CLEC16A: variants seen among roughly 807,000 people sequenced by gnomAD.
CLEC16A encodes C-type lectin domain containing 16A, also known as protein CLEC16A.
Under a neutral mutation model 109.5 loss-of-function variants are expected in CLEC16A, and 51 were observed. The observed-to-expected ratio is 0.47, with a 90% CI of 0.37 to 0.59. The LOEUF (loss-of-function observed/expected upper bound fraction) is 0.59. CLEC16A is among the 20% of genes least tolerant of loss of function. The pLI, the probability that CLEC16A is intolerant of heterozygous loss-of-function variation, is 0.00. For synonymous variants in CLEC16A, 673 were observed against 564.2 expected (o/e 1.19, Z -2.73); for missense variants, 1,339 against 1,394.0 (o/e 0.96, Z 0.63).
At chr16:11,103,062 G>A (rs1352723307) in intron 19 of CLEC16A, among the ~76,000 whole-genome samples, 1 of 152,244 alleles carries the variant, frequency 6.6e-6, no homozygotes, top group Non-Finnish European at 1.5e-5. Context: ...GGGAGGGCCT[G>A]AGAGATGGGC....
chr16:11,066,091 C>T (rs376015186), intron 19 of CLEC16A, among the ~76,000 whole-genome samples: 1 of 152,134 alleles, frequency 6.6e-6, no homozygotes, highest in Non-Finnish European at 1.5e-5. Context: ...CCCAGCTTTG[C>T]TGCCTTCTGC....
chr16:11,164,656 C>T (rs930501471), intron 22 of CLEC16A, among the ~76,000 whole-genome samples: 1 of 152,268 alleles, frequency 6.6e-6, no homozygotes, highest in African/African-American at 2.4e-5. Flanking sequence ...TTAGGCTTTG[C>T]AGGCCATGTG....
chr16:10,944,842 G>T, intron 1 of CLEC16A, 45 bp downstream of exon 1: 1 of 1,514,886 alleles, frequency 6.6e-7, no homozygotes, highest in East Asian at 2.4e-5. Context: ...CTGGACAGGG[G>T]GACGGGGCGC....
chr16:10,964,824 G>A (rs1029823352), intron 3 of CLEC16A, among the ~76,000 whole-genome samples: 32 of 152,088 alleles, frequency 2.1e-4, no homozygotes, highest in African/African-American at 6.8e-4. Flanking sequence ...AAATAATCAC[G>A]GCAATCAAGT....
intron 10 of CLEC16A, among the ~76,000 whole-genome samples, chr16:10,996,701 T>C (rs931992745): frequency 3.3e-5 from 5 of 152,038 alleles, no homozygotes; most frequent in Admixed American, 2.6e-4. Flanking sequence ...CATGTGGCAA[T>C]AAATGCAGGA....
intron 19 of CLEC16A, among the ~76,000 whole-genome samples, chr16:11,083,579 C>T (rs1429599655): frequency 2.6e-5 from 4 of 152,220 alleles, no homozygotes; most frequent in Admixed American, 6.5e-5. Flanking sequence ...CGGTCTCCTC[C>T]GAAGCTTCAC....
chr16:11,138,292 C>G (rs2053663814), intron 22 of CLEC16A, among the ~76,000 whole-genome samples: 1 of 152,194 alleles, frequency 6.6e-6, no homozygotes, highest in South Asian at 2.1e-4. Flanking sequence ...TGTGGTGCTT[C>G]TGGCTTGGCA....
intron 5 of CLEC16A, among the ~76,000 whole-genome samples, chr16:10,972,037 G>A (rs1447597272): frequency 1.3e-5 from 2 of 152,204 alleles, no homozygotes; most frequent in East Asian, 3.8e-4. Flanking sequence ...CTTTCTAAGA[G>A]CCCAACTGGA....
At chr16:11,111,532 G>A (rs898417944) in intron 19 of CLEC16A, among the ~76,000 whole-genome samples, 1 of 152,216 alleles carries the variant, frequency 6.6e-6, no homozygotes, top group African/African-American at 2.4e-5. Context: ...CCCACCACTT[G>A]ATGGGAGGAG....
rs369826428 is a variant in CLEC16A, at chr16:10,957,618, A to G, written c.81-164A>G. Reference sequence around the variant, plus strand: ...TTAACCCTTCAAAGCATTGTCTGCTATTTTTCTGGGGTTGTGAGTTACATC... The same window carrying G: ...TTAACCCTTCAAAGCATTGTCTGCTGTTTTTCTGGGGTTGTGAGTTACATC... On this transcript the variant is annotated intron_variant, in intron 1 of 23. Transcript: ENST00000409790. Among the ~76,000 whole-genome samples the G allele has an allele frequency of 3.9e-5, 6 of 152,158 alleles. No individual in the cohort carries two copies. The South Asian group carries it at 1.2e-3, about 32-fold the overall frequency.
chr16:11,113,866 T>A (rs926740755), intron 19 of CLEC16A, among the ~76,000 whole-genome samples: 1 of 152,216 alleles, frequency 6.6e-6, no homozygotes, highest in Non-Finnish European at 1.5e-5. Context: ...TCACAGTCTT[T>A]TAGCCCACGC....
chr16:10,992,426 A>T (rs1246921786), intron 10 of CLEC16A, among the ~76,000 whole-genome samples: 1 of 152,018 alleles, frequency 6.6e-6, no homozygotes, highest in Non-Finnish European at 1.5e-5. Context: ...TGATAAATAC[A>T]TGAGGCGATG....
chr16:11,007,978 C>T (rs754725262), intron 11 of CLEC16A, among the ~76,000 whole-genome samples: 4 of 151,794 alleles, frequency 2.6e-5, no homozygotes, highest in East Asian at 1.9e-4. Flanking sequence ...AGCAACTTCC[C>T]GAAAACAGTT....
intron 2 of CLEC16A, among the ~76,000 whole-genome samples, chr16:10,959,025 G>A (rs978691640): frequency 6.6e-6 from 1 of 151,542 alleles, no homozygotes; most frequent in East Asian, 1.9e-4. Flanking sequence ...GTGTGTGTGT[G>A]TGTGTGTGTG....
rs115909302 is a variant in CLEC16A at position 11,161,236 on chromosome 16, A to G, written c.2642-5152A>G. Among the ~76,000 whole-genome samples, 459 of 152,314 alleles carry G rather than the reference A, an allele frequency of 3.0e-3. 3 individuals carry two copies. Among genetic ancestry groups the G allele is most frequent in the African/African-American group, 0.011 (440 of 41,562 alleles). On this transcript the variant is annotated intron_variant, in intron 22 of 23. Coordinates refer to ENST00000409790, the MANE Select transcript of CLEC16A (RefSeq NM_015226.3). ...CAGTCAAATTTCTTATGCCCTGCTT[A>G]GGTAGGCCGACTCCTACACAGCCAT...
At chr16:11,118,831 G>A (rs945273456) in intron 19 of CLEC16A, among the ~76,000 whole-genome samples, 8 of 152,078 alleles carry the variant, frequency 5.3e-5, no homozygotes, top group Admixed American at 2.0e-4. Context: ...AGAAAGAGGG[G>A]TCCAGTTTCA....
intron 13 of CLEC16A, chr16:11,027,607 C>T: frequency 1.3e-6 from 2 of 1,557,214 alleles, no homozygotes; most frequent in Non-Finnish European, 1.7e-6. Flanking sequence ...ATTGCATTCC[C>T]AGGGAAGCAT....
At chr16:11,145,811 C>T (rs575609885) in intron 22 of CLEC16A, among the ~76,000 whole-genome samples, 1 of 152,252 alleles carries the variant, frequency 6.6e-6, no homozygotes, top group African/African-American at 2.4e-5. Context: ...ACCAAAGATC[C>T]TTTCAGGGTG....
intron 22 of CLEC16A, among the ~76,000 whole-genome samples, chr16:11,135,697 A>G (rs78226514): frequency 5.3e-5 from 8 of 152,250 alleles, no homozygotes; most frequent in African/African-American, 1.9e-4. Context: ...GGAGAGAACA[A>G]ACCCCATATG....
Sources: allele counts gnomAD v4.1 joint callset (sites outside exome capture counted in the v4.1 genomes callset), GRCh38; gene constraint gnomAD v4.1.1; transcripts MANE v1.5; gene names NCBI Gene and HGNC (gene_info 2026-07-23, HGNC 2026-07-21).